DOK6: variants seen among roughly 807,000 people sequenced by gnomAD.
DOK6 encodes docking protein 6, also known as downstream of tyrosine kinase 6.
A neutral mutation model predicts 44.0 loss-of-function variants in DOK6; 22 were observed. The ratio of observed to expected loss-of-function variants is 0.50; its 90% CI spans 0.36 to 0.71. The LOEUF (loss-of-function observed/expected upper bound fraction) is 0.71, where lower values mean the gene tolerates loss of function less well. Ranked by LOEUF, DOK6 falls within the 30% of genes least tolerant of loss-of-function variation. DOK6 has a pLI of 0.00. For synonymous variants in DOK6, 166 were observed against 145.5 expected (o/e 1.14, Z -1.01); for missense variants, 340 against 416.4 (o/e 0.82, Z 1.60).
In DOK6 at chr18:69,785,656, T is replaced by C. The variant is rs187086138; in HGVS notation, c.856+27783T>C. On this transcript the variant is annotated intron_variant, in intron 7 of 7. Transcript: ENST00000382713. The stretch of plus-strand genomic sequence containing the variant: ...ACCTCAAGAATTCTTTTTGTTCCGT[T>C]GCCAGATTTGAAACTCAGTCACTGC... 5.4e-4 allele frequency among the ~76,000 whole-genome samples: 83 copies of C among 152,304 alleles called. 2 individuals carry two copies. The highest frequency in any genetic ancestry group is 1.8e-3 in the African/African-American group (73 of 41,586).
In DOK6 at chr18:69,401,097, A is replaced by T; in HGVS notation, c.-148A>T. 1 of 695,366 alleles carries T rather than the reference A, an allele frequency of 1.4e-6. No individual in the cohort carries two copies. The highest frequency in any genetic ancestry group is 2.0e-6 in the Non-Finnish European group (1 of 508,974). 43.1% of individuals were successfully genotyped at this position (695,366 alleles called of 1,614,324 possible). ...GCCCTGCAGGCGACCCCGCGTCCCC[A>T]CCGGCGGGAGCTCGGGGAAGAGCGG... is the stretch of plus-strand genomic sequence containing the variant. On this transcript the variant is annotated 5_prime_UTR_variant, in exon 1 of 8. Coordinates refer to ENST00000382713, the MANE Select transcript of DOK6 (RefSeq NM_152721.6).
At chr18:69,654,177 G>T (rs1016094369) in intron 3 of DOK6, among the ~76,000 whole-genome samples, 28 of 151,962 alleles carry the variant, frequency 1.8e-4, no homozygotes, top group Admixed American at 5.2e-4. Flanking sequence ...GAAGAAAAGA[G>T]CAAAAAAATA....
At chr18:69,621,886 G>C (rs938030544) in intron 3 of DOK6, among the ~76,000 whole-genome samples, 1 of 152,066 alleles carries the variant, frequency 6.6e-6, no homozygotes, top group Non-Finnish European at 1.5e-5. Context: ...AATAAAAAAT[G>C]ATCTTACAGT....
intron 5 of DOK6, among the ~76,000 whole-genome samples, chr18:69,699,519 G>A (rs1284162758): frequency 6.6e-6 from 1 of 151,892 alleles, no homozygotes; most frequent in African/African-American, 2.4e-5. Flanking sequence ...TTACCAGTCT[G>A]GGGCCCTTTT....
At chr18:69,693,876 G>A (rs1012641663) in intron 4 of DOK6, among the ~76,000 whole-genome samples, 4 of 151,494 alleles carry the variant, frequency 2.6e-5, no homozygotes, top group Admixed American at 6.6e-5. Flanking sequence ...GGCTAACACA[G>A]TGAAACCCCG....
chr18:69,839,758 C>A (rs956228995), intron 7 of DOK6, among the ~76,000 whole-genome samples: 1 of 152,120 alleles, frequency 6.6e-6, no homozygotes, highest in Non-Finnish European at 1.5e-5. Flanking sequence ...CTCCAGGCGC[C>A]GTGGGGCAGA....
At chr18:69,477,212 C>G (rs1980291584) in intron 1 of DOK6, among the ~76,000 whole-genome samples, 1 of 152,098 alleles carries the variant, frequency 6.6e-6, no homozygotes, top group African/African-American at 2.4e-5. Context: ...CAACATTTAT[C>G]TTTTGGGGGA....
chr18:69,714,133 A>G (rs1215187476), intron 5 of DOK6, among the ~76,000 whole-genome samples: 2 of 152,218 alleles, frequency 1.3e-5, no homozygotes, highest in African/African-American at 4.8e-5. Context: ...GAGACTCCCT[A>G]TATACAGACT....
chr18:69,755,010 C>A (rs1282104710), intron 6 of DOK6, among the ~76,000 whole-genome samples: 1 of 151,286 alleles, frequency 6.6e-6, no homozygotes. Flanking sequence ...TGGCAAAGAT[C>A]CCAAGAAAAT....
chr18:69,535,074 A>G (rs1329573483), intron 1 of DOK6, among the ~76,000 whole-genome samples: 1 of 152,026 alleles, frequency 6.6e-6, no homozygotes, highest in Non-Finnish European at 1.5e-5. Context: ...GCACCTGTTA[A>G]GATTTTAGCT....
chr18:69,634,184 GTAGTATGGT>G (rs1488283669), intron 3 of DOK6, among the ~76,000 whole-genome samples: 1 of 152,054 alleles, frequency 6.6e-6, no homozygotes, highest in Non-Finnish European at 1.5e-5. Context: ...TAGTACAATG[GTAGTATGGT>G]CTTGAGTAAG....
In DOK6 at chr18:69,772,365, C is replaced by G. The variant is rs1167111451; in HGVS notation, c.856+14492C>G. Among the ~76,000 whole-genome samples, 8 of 152,070 alleles carry G rather than the reference C, an allele frequency of 5.3e-5. No individual in the cohort carries two copies. In the East Asian group the frequency reaches 9.7e-4, roughly 18 times the overall value. The stretch of plus-strand genomic sequence containing the variant: ...TTTTCACAGGAATGGAAACAATTAG[C>G]AAATTCATGTATCACCACAAAAGAC... On this transcript the variant is annotated intron_variant, in intron 7 of 7. Transcript: ENST00000382713.
intron 5 of DOK6, among the ~76,000 whole-genome samples, chr18:69,704,250 C>T (rs1032987888): frequency 6.6e-6 from 1 of 152,068 alleles, no homozygotes; most frequent in Non-Finnish European, 1.5e-5. Flanking sequence ...CCCACATCTG[C>T]GAGGGGACAA....
intron 3 of DOK6, chr18:69,662,619 CA>C (rs758673468): frequency 2.0e-5 from 3 of 152,164 alleles, no homozygotes; most frequent in African/African-American, 4.8e-5. Flanking sequence ...CACAGTTTTA[CA>C]TTGATCTATT....
At chr18:69,755,347 T>TTTTCTTC (rs1180455825) in intron 6 of DOK6, among the ~76,000 whole-genome samples, 6 of 152,280 alleles carry the variant, frequency 3.9e-5, no homozygotes, top group Admixed American at 1.3e-4. Context: ...AAAAAGCACT[T>TTTTCTTC]TCATCACATT....
At chr18:69,438,968 A>T (rs180769593) in intron 1 of DOK6, among the ~76,000 whole-genome samples, 1 of 152,192 alleles carries the variant, frequency 6.6e-6, no homozygotes, top group East Asian at 1.9e-4. Context: ...GCTACTCGGG[A>T]GGCTGAGGTG....
intron 1 of DOK6, among the ~76,000 whole-genome samples, chr18:69,488,758 C>A (rs1357724781): frequency 2.0e-5 from 3 of 152,182 alleles, no homozygotes; most frequent in Non-Finnish European, 4.4e-5. Flanking sequence ...GTCCCTCCCA[C>A]AACATGTGGG....
At chr18:69,577,842 A>G (rs1488038707) in intron 2 of DOK6, among the ~76,000 whole-genome samples, 2 of 152,300 alleles carry the variant, frequency 1.3e-5, no homozygotes, top group East Asian at 3.9e-4. Context: ...AGTTGAATTA[A>G]AGTCAATTAA....
At chr18:69,527,603 T>C (rs1377643611) in intron 1 of DOK6, among the ~76,000 whole-genome samples, 1 of 152,072 alleles carries the variant, frequency 6.6e-6, no homozygotes, top group African/African-American at 2.4e-5. Context: ...GGGGACAGAG[T>C]CAAACCATAG....
Sources: gnomAD v4.1 joint callset for allele counts (sites outside exome capture counted in the v4.1 genomes callset) on GRCh38, gnomAD v4.1.1 for gene constraint, MANE v1.5 for transcripts, NCBI Gene and HGNC (gene_info 2026-07-23, HGNC 2026-07-21) for gene names.